The following RBPJ variants were observed in gnomAD, a reference collection of about 807,000 sequenced individuals.
RBPJ encodes recombination signal binding protein for immunoglobulin kappa J region.
In RBPJ, 9 loss-of-function variants were observed where a neutral mutation model predicts 67.8. The observed-to-expected ratio is 0.13, with a 90% confidence interval of 0.08 to 0.23. The LOEUF (loss-of-function observed/expected upper bound fraction) is 0.23. RBPJ is among the 10% of genes least tolerant of loss of function. The pLI is 1.00. For missense variants in RBPJ, 305 were observed against 595.6 expected (o/e 0.51, Z 5.08); for synonymous variants, 198 against 203.3 (o/e 0.97, Z 0.22).
chr4:26,341,556 G>A (rs1033863351), intron 1 of RBPJ, among the ~76,000 whole-genome samples: 8 of 152,070 alleles, frequency 5.3e-5, no homozygotes, highest in Non-Finnish European at 1.2e-4. Flanking sequence ...GGAGGTTGCA[G>A]TGAGCCGAGA....
At chr4:26,248,024 T>C (rs1447339660) in intron 1 of RBPJ, among the ~76,000 whole-genome samples, 1 of 152,162 alleles carries the variant, frequency 6.6e-6, no homozygotes, top group Non-Finnish European at 1.5e-5. Context: ...CGAGGCATGG[T>C]GGCTAACTCC....
At chr4:26,293,154 T>C (rs13115664) in intron 1 of RBPJ, among the ~76,000 whole-genome samples, 67,347 of 149,542 alleles carry the variant, frequency 0.45, 19,092 homozygotes, top group Non-Finnish European at 0.59. Context: ...GTCCTTCTAC[T>C]GCATAACCCA....
intron 1 of RBPJ, among the ~76,000 whole-genome samples, chr4:26,278,945 G>A (rs1467025168): frequency 6.6e-6 from 1 of 152,084 alleles, no homozygotes; most frequent in East Asian, 1.9e-4. Context: ...GGTGGCTAAG[G>A]GTGCTGCCGT....
rs1726673477 is a variant in RBPJ, at chr4:26,350,397, C to CA, written c.20+29350dup. Reference sequence around the variant, plus strand: ...CCATATGATTCCCCAAGTCATATTTCAGTCTTTCTGCCATGACAGGAAGGA... The same window carrying CA: ...CCATATGATTCCCCAAGTCATATTTCAAGTCTTTCTGCCATGACAGGAAGGA... On this transcript the variant is annotated intron_variant, in intron 1 of 10. Transcript: ENST00000355476. Among the ~76,000 whole-genome samples, 3 of 151,050 alleles carry CA rather than the reference C, an allele frequency of 2.0e-5. No individual in the cohort carries two copies. The South Asian group carries it at 6.2e-4, about 31-fold the overall frequency.
At chr4:26,390,650 A>G (rs779514516) in intron 2 of RBPJ, among the ~76,000 whole-genome samples, 1 of 152,254 alleles carries the variant, frequency 6.6e-6, no homozygotes, top group African/African-American at 2.4e-5. Flanking sequence ...ATAAAAATAT[A>G]TATCAGGAAA....
chr4:26,345,886 G>A (rs1268311529), intron 1 of RBPJ, among the ~76,000 whole-genome samples: 2 of 152,192 alleles, frequency 1.3e-5, no homozygotes, highest in African/African-American at 4.8e-5. Context: ...AGAGAATACA[G>A]TGATGCTGGG....
At chr4:26,344,478 C>G (rs943246296) in intron 1 of RBPJ, among the ~76,000 whole-genome samples, 17 of 151,198 alleles carry the variant, frequency 1.1e-4, no homozygotes, top group African/African-American at 4.1e-4. Context: ...CTCGTGATCC[C>G]CCCGCCTCAG....
chr4:26,182,345 A>AAACAAACAAAC (rs1717038661), intron 1 of RBPJ, among the ~76,000 whole-genome samples: 1 of 152,114 alleles, frequency 6.6e-6, no homozygotes, highest in African/African-American at 2.4e-5. Context: ...CCGTCTCAAA[A>AAACAAACAAAC]AAACAAACAA....
At chr4:26,210,802 T>TCTTC (rs1196611535) in intron 1 of RBPJ, among the ~76,000 whole-genome samples, 1 of 149,604 alleles carries the variant, frequency 6.7e-6, no homozygotes, top group Non-Finnish European at 1.5e-5. Context: ...TTTCTTTCTT[T>TCTTC]CTTTCTTTTC....
chr4:26,110,843 C>T, the RBPJ span, among the ~76,000 whole-genome samples: 5 of 152,120 alleles, frequency 3.3e-5, no homozygotes, highest in Non-Finnish European at 5.9e-5. The surrounding 1 kb of genome is among the most constrained non-coding windows in gnomAD (Gnocchi z 4.5). Flanking sequence ...AGTGGAGGGC[C>T]GGCATCAGCT....
In RBPJ at chr4:26,197,846, G is replaced by T. The variant is rs1164773085; in HGVS notation, c.-167+34232G>T. ...GGAAGGGAAGGGAGGGGAGTGAAGG[G>T]GGAGCAGAGAGAAAAGGAGAGTTAA... On this transcript the variant is annotated intron_variant, in intron 1 of 4. Transcript: ENST00000512351. Among the ~76,000 whole-genome samples the T allele has an allele frequency of 2.0e-5, 3 of 152,096 alleles. No homozygotes were observed. The East Asian group carries it at 5.8e-4, about 29-fold the overall frequency.
intron 1 of RBPJ, among the ~76,000 whole-genome samples, chr4:26,305,861 C>A (rs1383071892): frequency 7.0e-6 from 1 of 142,576 alleles, no homozygotes; most frequent in Non-Finnish European, 1.5e-5. Flanking sequence ...CTCACTGCAA[C>A]CTCCGCCTCC....
the RBPJ span, among the ~76,000 whole-genome samples, chr4:26,109,884 C>T: frequency 6.6e-6 from 1 of 151,946 alleles, no homozygotes; most frequent in Non-Finnish European, 1.5e-5. Context: ...ACAGAATCAC[C>T]TTATTCATTC....
At chr4:26,146,860 TAAAAC>T in the RBPJ span, among the ~76,000 whole-genome samples, 1 of 152,098 alleles carries the variant, frequency 6.6e-6, no homozygotes, top group East Asian at 1.9e-4. Flanking sequence ...CAAAACAAAA[TAAAAC>T]AAATCGAGCA....
rs755357185 is a variant in RBPJ at position 26,214,164 on chromosome 4, AAGAG to A, written c.-167+50562_-167+50565del. Among the ~76,000 whole-genome samples, 26 of 149,322 alleles carry A rather than the reference AAGAG, an allele frequency of 1.7e-4. 1 individual carries two copies. The highest frequency in any genetic ancestry group is 6.0e-4 in the Admixed American group (9 of 14,960). ...AAGGAAGGGAGGGAGAAAGAGAGAAAAGAGAGAGAGAGAGAAAAGAAAGAAAGAA... is the reference window on the plus strand; with the variant it reads ...AAGGAAGGGAGGGAGAAAGAGAGAAAAGAGAGAGAGAAAAGAAAGAAAGAA... On this transcript the variant is annotated intron_variant, in intron 1 of 4. Transcript: ENST00000512351.
the RBPJ span, among the ~76,000 whole-genome samples, chr4:26,119,709 C>T: frequency 6.6e-6 from 1 of 152,220 alleles, no homozygotes; most frequent in African/African-American, 2.4e-5. Context: ...GACATTTTAG[C>T]ACCTCTCATA....
intron 1 of RBPJ, among the ~76,000 whole-genome samples, chr4:26,348,600 T>C (rs918082076): frequency 2.0e-5 from 3 of 152,214 alleles, no homozygotes; most frequent in Non-Finnish European, 4.4e-5. Context: ...TACTGAAATA[T>C]GTACATAAAT....
At chr4:26,312,083 C>G (rs1362948322) in intron 1 of RBPJ, among the ~76,000 whole-genome samples, 1 of 152,174 alleles carries the variant, frequency 6.6e-6, no homozygotes, top group African/African-American at 2.4e-5. Flanking sequence ...GATTTTGATG[C>G]CCACTAAGTT....
chr4:26,409,413 A>G (rs1733796494), intron 3 of RBPJ, among the ~76,000 whole-genome samples: 1 of 152,204 alleles, frequency 6.6e-6, no homozygotes, highest in Non-Finnish European at 1.5e-5. Flanking sequence ...CTAAAAAAGA[A>G]AAAGATCCAA....
Sources: gnomAD v4.1 joint callset for allele counts (sites outside exome capture counted in the v4.1 genomes callset) on GRCh38, gnomAD v4.1.1 for gene constraint, Gnocchi (gnomAD v3.1) non-coding constraint, MANE v1.5 for transcripts, NCBI Gene and HGNC (gene_info 2026-07-23, HGNC 2026-07-21) for gene names.